The following PARM1 variants were observed in gnomAD, a reference collection of about 807,000 sequenced individuals.
PARM1 encodes the protein WSC4, cell wall integrity and stress response component 4 homolog.
PARM1 carries 14 observed loss-of-function variants against 24.6 expected under a neutral mutation model. The observed-to-expected ratio is 0.57, with a 90% CI of 0.38 to 0.89. The LOEUF (loss-of-function observed/expected upper bound fraction) is 0.89, where lower values mean the gene tolerates loss of function less well. Among genes scored for constraint, PARM1 ranks in the 40% least tolerant of loss-of-function variants. PARM1 has a pLI of 0.00. For synonymous variants in PARM1, 179 were observed against 156.6 expected (o/e 1.14, Z -1.07); for missense variants, 362 against 380.4 (o/e 0.95, Z 0.40).
Position 74,986,172 on chromosome 4 carries a change from T to C in PARM1, c.44-26253T>C, listed in dbSNP as rs72860959. 4.9e-3 allele frequency among the ~76,000 whole-genome samples: 740 copies of C among 152,296 alleles called. 4 individuals are homozygous for C. The highest frequency in any genetic ancestry group is 0.016 in the African/African-American group (684 of 41,558). ...GTGCATAATAATTTTAAGATTTATA[T>C]ATGTTCAGATACTAGTAAAAGCTTG... On this transcript the variant is annotated intron_variant, in intron 1 of 3. Transcript: ENST00000307428.
At position 74,975,629 on chromosome 4, in the gene PARM1, T is replaced by C. The variant is rs189891967; in HGVS notation, c.44-36796T>C. Among the ~76,000 whole-genome samples the C allele has an allele frequency of 7.4e-4, 112 of 152,336 alleles. 1 individual carries two copies. Among genetic ancestry groups the C allele is most frequent in the Admixed American group, 2.7e-3 (41 of 15,298 alleles). ...GTTTGACTACATTTGTTATATTAAT[T>C]ATATTCACGGGGCTAGGAGAGACAA... On this transcript the variant is annotated intron_variant, in intron 1 of 3. Coordinates refer to ENST00000307428, the MANE Select transcript of PARM1 (RefSeq NM_015393.4).
At chr4:74,958,925 A>G (rs1721704361) in intron 1 of PARM1, among the ~76,000 whole-genome samples, 2 of 152,246 alleles carry the variant, frequency 1.3e-5, no homozygotes, top group Admixed American at 6.5e-5. Context: ...CTACATAAGA[A>G]CATAAATAAT....
intron 1 of PARM1, among the ~76,000 whole-genome samples, chr4:74,980,276 T>C (rs963429177): frequency 6.6e-6 from 1 of 152,116 alleles, no homozygotes; most frequent in African/African-American, 2.4e-5. Context: ...AGTCTCAGGG[T>C]ACAAAATCAG....
At chr4:74,946,774 T>A (rs1032448531) in intron 1 of PARM1, among the ~76,000 whole-genome samples, 2 of 152,200 alleles carry the variant, frequency 1.3e-5, no homozygotes, top group Non-Finnish European at 2.9e-5. Context: ...TAAATACGTT[T>A]AAACTCGTAA....
At chr4:74,994,842 A>G (rs1002656699) in intron 1 of PARM1, among the ~76,000 whole-genome samples, 1 of 147,678 alleles carries the variant, frequency 6.8e-6, no homozygotes, top group African/African-American at 2.5e-5. Context: ...ATAAATGGCA[A>G]TGTAAATGAT....
intron 3 of PARM1, among the ~76,000 whole-genome samples, chr4:75,039,156 G>A (rs1431897300): frequency 1.3e-5 from 2 of 152,188 alleles, no homozygotes; most frequent in African/African-American, 4.8e-5. Flanking sequence ...TTGGAGTTCT[G>A]TAGGTCTTGT....
At chr4:74,958,072 A>G (rs529091834) in intron 1 of PARM1, among the ~76,000 whole-genome samples, 166 of 152,330 alleles carry the variant, frequency 1.1e-3, no homozygotes, top group Non-Finnish European at 1.7e-3. Context: ...TTATTTATTT[A>G]TTTATACCTT....
At chr4:75,016,651 G>A (rs141627948) in intron 2 of PARM1, among the ~76,000 whole-genome samples, 9 of 152,190 alleles carry the variant, frequency 5.9e-5, no homozygotes, top group Admixed American at 2.6e-4. Context: ...TGCCCTCATC[G>A]TTAAAGCACT....
intron 1 of PARM1, among the ~76,000 whole-genome samples, chr4:74,974,641 C>G (rs113436239): frequency 0.027 from 4,177 of 152,256 alleles, 84 homozygotes; most frequent in South Asian, 0.076. Context: ...TGTGACCTCC[C>G]AAACTTTGGC....
chr4:75,050,017 A>G lies in PARM1; in HGVS notation c.*3770A>G, dbSNP rs1723688376. 3 of 152,572 alleles carry G rather than the reference A, an allele frequency of 2.0e-5. No individual in the cohort carries two copies. The South Asian group carries it at 6.2e-4, about 32-fold the overall frequency. 9.5% of individuals were successfully genotyped at this position (152,572 alleles called of 1,614,324 possible). A position where few individuals can be genotyped will look rare whatever the true frequency, so the allele number is the denominator to read the frequency against. ...AGTCATTTAAAGATGGAAAGGTGGG[A>G]AAATTCTTTGATATTTGATGTCATT... On this transcript the variant is annotated 3_prime_UTR_variant, in exon 4 of 4. Transcript: ENST00000307428.
chr4:74,998,597 CT>C (rs754760974), intron 1 of PARM1, among the ~76,000 whole-genome samples: 27 of 152,164 alleles, frequency 1.8e-4, no homozygotes, highest in Non-Finnish European at 3.4e-4. Flanking sequence ...ATGAGGAACA[CT>C]TTTTGCAGAG....
intron 1 of PARM1, among the ~76,000 whole-genome samples, chr4:74,962,527 C>T (rs1721797714): frequency 6.6e-6 from 1 of 152,116 alleles, no homozygotes; most frequent in South Asian, 2.1e-4. Context: ...GATTTTATAA[C>T]AATGTGATCC....
At chr4:75,007,739 G>A (rs11736696) in intron 1 of PARM1, among the ~76,000 whole-genome samples, 21,994 of 152,136 alleles carry the variant, frequency 0.14, 1,772 homozygotes, top group East Asian at 0.34. Context: ...GGGGCCTCTA[G>A]GTGGTAATTA....
intron 1 of PARM1, among the ~76,000 whole-genome samples, chr4:74,951,959 G>A (rs756204755): frequency 1.3e-5 from 2 of 152,186 alleles, no homozygotes; most frequent in Non-Finnish European, 2.9e-5. Context: ...ACCCAGTAAT[G>A]GGATTGCTGG....
chr4:74,988,247 A>G (rs376819216), intron 1 of PARM1, among the ~76,000 whole-genome samples: 1 of 152,226 alleles, frequency 6.6e-6, no homozygotes, highest in Non-Finnish European at 1.5e-5. Context: ...CACAGTATAC[A>G]TATTTACCCA....
At position 75,045,240 on chromosome 4, in the gene PARM1, G is replaced by C. The variant is rs143916207; in HGVS notation, c.849-923G>C. Among the ~76,000 whole-genome samples, 189 of 152,296 alleles carry C rather than the reference G, an allele frequency of 1.2e-3. 1 individual carries two copies. Among genetic ancestry groups the C allele is most frequent in the African/African-American group, 4.5e-3 (187 of 41,552 alleles). ...AGAGTAAAGAGAAGGAGACCAGTATGGTTATAGCAGAGGGAGCAAGGGTCC... is the reference window on the plus strand; with the variant it reads ...AGAGTAAAGAGAAGGAGACCAGTATCGTTATAGCAGAGGGAGCAAGGGTCC... On this transcript the variant is annotated intron_variant, in intron 3 of 3. Transcript: ENST00000307428.
chr4:75,023,992 C>T (rs1553972751), intron 2 of PARM1, among the ~76,000 whole-genome samples: 1 of 152,192 alleles, frequency 6.6e-6, no homozygotes, highest in Non-Finnish European at 1.5e-5. Flanking sequence ...AAGTTCCTGG[C>T]CAGGTGCGGT....
intron 1 of PARM1, among the ~76,000 whole-genome samples, chr4:74,934,078 T>G (rs1721125649): frequency 2.0e-5 from 3 of 151,840 alleles, no homozygotes; most frequent in Admixed American, 1.3e-4. Context: ...TCTGAAAGGC[T>G]TCGTAGGAGC....
At chr4:75,011,123 T>C (rs1051623483) in intron 1 of PARM1, among the ~76,000 whole-genome samples, 7 of 152,148 alleles carry the variant, frequency 4.6e-5, no homozygotes, top group Admixed American at 3.9e-4. Flanking sequence ...CATCAAACCA[T>C]GAGGGATCAG....
Sources: gnomAD v4.1 joint callset for allele counts (sites outside exome capture counted in the v4.1 genomes callset) on GRCh38, gnomAD v4.1.1 for gene constraint, MANE v1.5 for transcripts, NCBI Gene and HGNC (gene_info 2026-07-23, HGNC 2026-07-21) for gene names.